The following LSM7 variants were observed in gnomAD, a reference collection of about 807,000 sequenced individuals.
The protein encoded by LSM7 is LSM7 homolog, U6 small nuclear RNA and mRNA degradation associated.
A neutral mutation model predicts 14.1 loss-of-function variants in LSM7; 13 were observed. The ratio of observed to expected loss-of-function variants is 0.92; its 90% confidence interval spans 0.60 to 1.47. The LOEUF (loss-of-function observed/expected upper bound fraction) is 1.47, where lower values mean the gene tolerates loss of function less well. Among genes scored for constraint, LSM7 ranks in the 40% most tolerant of loss-of-function variants. The pLI, the probability that LSM7 is intolerant of heterozygous loss-of-function variation, is 0.00. For missense variants in LSM7, 108 were observed against 140.8 expected (o/e 0.77, Z 1.18); for synonymous variants, 70 against 57.1 (o/e 1.23, Z -1.02).
At chr19:2,322,322 G>A (rs1971004) in intron 3 of LSM7, among the ~76,000 whole-genome samples, 73,679 of 152,050 alleles carry the variant, frequency 0.48, 20,014 homozygotes, top group African/African-American at 0.73. Context: ...GGCGGATCAC[G>A]AGGTCAGGAG....
intron 2 of LSM7, among the ~76,000 whole-genome samples, chr19:2,325,086 C>T (rs1360906244): frequency 1.3e-5 from 2 of 152,146 alleles, no homozygotes; most frequent in Non-Finnish European, 2.9e-5. Flanking sequence ...GCAAAGGCTT[C>T]GGGGGCTGAG....
intron 2 of LSM7, among the ~76,000 whole-genome samples, chr19:2,325,149 G>A (rs1301706994): frequency 1.3e-5 from 2 of 152,124 alleles, no homozygotes; most frequent in African/African-American, 2.4e-5. Flanking sequence ...CTCAAGCTTC[G>A]CCGCCTTGGG....
rs371435308 is a variant in LSM7, at chr19:2,328,514, G to C, written c.7-37C>G. ...GCAGAGCGCATGAGACCTGGAGCGC[G>C]GCCCGAGCTCCACGCCCCCCGGCTC... On this transcript the variant is annotated intron_variant, in intron 1 of 3. Transcript: ENST00000252622. The C allele has an allele frequency of 3.7e-6, 6 of 1,610,710 alleles. No individual in the cohort carries two copies. The South Asian group carries it at 6.6e-5, about 18-fold the overall frequency.
Position 2,321,984 on chromosome 19 carries a change from C to T in LSM7, c.170-162G>A, listed in dbSNP as rs1363135437. On this transcript the variant is annotated intron_variant, in intron 3 of 3. Coordinates refer to ENST00000252622, the MANE Select transcript of LSM7 (RefSeq NM_016199.3). This position sits in a 1 kb window ranked among gnomAD's most constrained non-coding sequence, Gnocchi z 5.0. The stretch of plus-strand genomic sequence containing the variant: ...TGCGCTCTGTGGGGCAGGTCCCCGG[C>T]TCCCACGGCTGAGACCCATGGCCCC... Among the ~76,000 whole-genome samples, 1 of 152,202 alleles carries T rather than the reference C, an allele frequency of 6.6e-6. No individual in the cohort carries two copies. The highest frequency in any genetic ancestry group is 2.4e-5 in the African/African-American group (1 of 41,446).
intron 2 of LSM7, 80 bp downstream of exon 2, chr19:2,328,307 G>T: frequency 3.4e-6 from 4 of 1,165,060 alleles, no homozygotes; most frequent in Non-Finnish European, 3.7e-6. Context: ...AGGTGCTTCC[G>T]CATGCGTCCT....
chr19:2,323,608 A>G lies in LSM7; in HGVS notation c.169+517T>C, dbSNP rs553370319. 2.8e-4 allele frequency among the ~76,000 whole-genome samples: 42 copies of G among 151,918 alleles called. 2 individuals are homozygous for G. The highest frequency in any genetic ancestry group is 8.3e-4 in the South Asian group (4 of 4,794). The stretch of plus-strand genomic sequence containing the variant: ...TGGGATTACAGGCATGCGCCACCAC[A>G]CCCAGCAATTTTTTTGCATTTTTAG... On this transcript the variant is annotated intron_variant, in intron 3 of 3. Transcript: ENST00000252622.
At chr19:2,323,833 A>G (rs377439890) in intron 3 of LSM7, among the ~76,000 whole-genome samples, 1 of 152,234 alleles carries the variant, frequency 6.6e-6, no homozygotes, top group Non-Finnish European at 1.5e-5. Context: ...GCGCCCCGTC[A>G]GTGTGTAGAG....
At chr19:2,323,584 G>A (rs959655354) in intron 3 of LSM7, among the ~76,000 whole-genome samples, 3 of 152,172 alleles carry the variant, frequency 2.0e-5, no homozygotes, top group Non-Finnish European at 2.9e-5. Flanking sequence ...CCGAGCAGCT[G>A]GGATTACAGG....
intron 2 of LSM7, among the ~76,000 whole-genome samples, chr19:2,326,310 T>G (rs1330281157): frequency 1.0e-5 from 1 of 99,712 alleles, no homozygotes; most frequent in Admixed American, 1.0e-4. Context: ...CCTTTCTGCT[T>G]TTTGTGTGTG....
At chr19:2,326,310 TTTTG>T (rs752126407) in intron 2 of LSM7, among the ~76,000 whole-genome samples, 13,576 of 98,680 alleles carry the variant, frequency 0.14, 717 homozygotes, top group Middle Eastern at 0.19. Context: ...CCTTTCTGCT[TTTTG>T]TGTGTGTGTG....
At chr19:2,326,527 G>A (rs1454199345) in intron 2 of LSM7, among the ~76,000 whole-genome samples, 2 of 152,156 alleles carry the variant, frequency 1.3e-5, no homozygotes, top group African/African-American at 4.8e-5. Context: ...GTAGAGATGG[G>A]GCCTTGCCAT....
chr19:2,323,535 C>T (rs1270966809), intron 3 of LSM7, among the ~76,000 whole-genome samples: 8 of 152,176 alleles, frequency 5.3e-5, no homozygotes, highest in African/African-American at 1.4e-4. Context: ...ACTGCAACCT[C>T]CGCCTCCCAG....
Position 2,328,460 on chromosome 19 carries a change from T to C in LSM7, c.24A>G (p.Lys8=). 1.9e-6 allele frequency: 3 copies of C among 1,613,852 alleles called. No individual in the cohort carries two copies. Among genetic ancestry groups the C allele is most frequent in the Middle Eastern group, 1.6e-4 (1 of 6,062 alleles). ...TGGACAAGTCCAAGATGCTCTCCTT[T>C]TTCTTCTTCTCCTTATCCTGCGGGG... MADKEKK[K]KESILDLSKY... is the part of the protein sequence containing the mutation. Residue 8 remains lysine (K), a synonymous_variant, in exon 2 of 4, where the codon AAA becomes AAG. Transcript: ENST00000252622.
At chr19:2,328,503 AC>A in intron 1 of LSM7, 26 bp from the exon 2 acceptor site, 1 of 1,612,428 alleles carries the variant, frequency 6.2e-7, no homozygotes, top group Non-Finnish European at 8.5e-7. Flanking sequence ...AGCGCATGAG[AC>A]CTGGAGCGCG....
At position 2,328,574 on chromosome 19, in the gene LSM7, C is replaced by G; in HGVS notation, c.-8G>C. 6.3e-7 allele frequency: 1 copy of G among 1,579,910 alleles called. No individual in the cohort carries two copies. The highest frequency in any genetic ancestry group is 8.6e-7 in the Non-Finnish European group (1 of 1,165,144). On this transcript the variant is annotated 5_prime_UTR_variant, in exon 1 of 4. Coordinates refer to ENST00000252622, the MANE Select transcript of LSM7 (RefSeq NM_016199.3). ...CCGCGCGCTCACCGCCATCTTGTCG[C>G]GCCGTGTGGCTCTTCGCAGGCACCG...
intron 2 of LSM7, chr19:2,325,863 C>T (rs1312387162): frequency 2.0e-5 from 3 of 152,318 alleles, no homozygotes; most frequent in Non-Finnish European, 2.9e-5. Flanking sequence ...TGGCCTTCTA[C>T]AGAGAAGGTC....
At chr19:2,327,290 T>C (rs927541895) in intron 2 of LSM7, among the ~76,000 whole-genome samples, 1 of 152,250 alleles carries the variant, frequency 6.6e-6, no homozygotes, top group Non-Finnish European at 1.5e-5. Flanking sequence ...AGACGGAGTC[T>C]TGCCCTATCG....
In LSM7 at chr19:2,322,866, C is replaced by T. The variant is rs141887198; in HGVS notation, c.170-1044G>A. On this transcript the variant is annotated intron_variant, in intron 3 of 3. Transcript: ENST00000252622. Reference sequence around the variant, plus strand: ...GCTGGGGCCACAGGCACATGTACCGCCATGCCTGGCTAATTACATTTTTTT... The same window carrying T: ...GCTGGGGCCACAGGCACATGTACCGTCATGCCTGGCTAATTACATTTTTTT... Among the ~76,000 whole-genome samples the T allele has an allele frequency of 1.4e-3, 208 of 151,466 alleles. 1 individual carries two copies. Among genetic ancestry groups the T allele is most frequent in the Non-Finnish European group, 2.4e-3 (160 of 67,986 alleles).
intron 2 of LSM7, chr19:2,325,837 A>G (rs1456824834): frequency 2.6e-5 from 4 of 152,300 alleles, no homozygotes; most frequent in East Asian, 3.8e-4. Context: ...CTGCAAAGCT[A>G]AAGATATTTG....
Sources: allele counts gnomAD v4.1 joint callset (sites outside exome capture counted in the v4.1 genomes callset), GRCh38; gene constraint gnomAD v4.1.1; non-coding constraint Gnocchi (gnomAD v3.1); transcripts MANE v1.5; gene names NCBI Gene and HGNC (gene_info 2026-07-23, HGNC 2026-07-21).